The following SAXO1 variants were observed in gnomAD, a reference collection of about 807,000 sequenced individuals.
SAXO1 encodes the protein stabilizer of axonemal microtubules 1.
Under a neutral mutation model 17.5 loss-of-function variants are expected in SAXO1, and 21 were observed. That is an observed-to-expected ratio of 1.20 (90% CI 0.85 to 1.72). The LOEUF (loss-of-function observed/expected upper bound fraction) is 1.72. Among genes scored for constraint, SAXO1 ranks in the 40% most tolerant of loss-of-function variants. The pLI, the probability that SAXO1 is intolerant of heterozygous loss-of-function variation, is 0.00. For missense variants in SAXO1, 843 were observed against 596.0 expected, an observed-to-expected ratio of 1.41 and a Z score of -4.32; for synonymous variants, 274 against 216.5, an observed-to-expected ratio of 1.27 and a Z score of -2.33.
chr9:19,042,179 G>C (rs780974274), intron 1 of SAXO1, among the ~76,000 whole-genome samples: 7 of 152,090 alleles, frequency 4.6e-5, no homozygotes, highest in Non-Finnish European at 1.0e-4. Context: ...TGGCAAACAG[G>C]CATATAAAAA....
intron 1 of SAXO1, among the ~76,000 whole-genome samples, chr9:19,006,121 G>A (rs1196431090): frequency 6.6e-6 from 1 of 152,186 alleles, no homozygotes; most frequent in Non-Finnish European, 1.5e-5. Flanking sequence ...AAAAGAAAGA[G>A]AAATGTTGGC....
At chr9:19,034,273 T>G (rs1214946752), upstream of SAXO1, among the ~76,000 whole-genome samples, 2 of 151,520 alleles carry the variant, frequency 1.3e-5, no homozygotes, top group South Asian at 2.1e-4. Flanking sequence ...TCTTTTTGTG[T>G]GGGGGGGGTT....
intron 1 of SAXO1, among the ~76,000 whole-genome samples, chr9:18,992,027 T>C (rs1833834498): frequency 6.6e-6 from 1 of 152,224 alleles, no homozygotes; most frequent in South Asian, 2.1e-4. Flanking sequence ...TATCCCAAAA[T>C]GCCAGGCACG....
intron 1 of SAXO1, among the ~76,000 whole-genome samples, chr9:18,994,209 T>G (rs1833920883): frequency 6.6e-6 from 1 of 152,118 alleles, no homozygotes; most frequent in Non-Finnish European, 1.5e-5. Flanking sequence ...CCAGCAAGGG[T>G]AGCTATGCCT....
At chr9:18,976,901 G>T (rs890613113) in intron 1 of SAXO1, among the ~76,000 whole-genome samples, 1 of 152,190 alleles carries the variant, frequency 6.6e-6, no homozygotes, top group African/African-American at 2.4e-5. Flanking sequence ...AGTTTCATCA[G>T]GAACGACCCC....
At position 19,042,493 on chromosome 9, in the gene SAXO1, C is replaced by A. The variant is rs149190184; in HGVS notation, c.-158+6716G>T. ...GTATATCAAAGAGATAGCTGCACTC[C>A]TATGTTTGTTGCAGCACTGTTCACA... is the stretch of plus-strand genomic sequence containing the variant. On this transcript the variant is annotated intron_variant, in intron 1 of 3. Transcript: ENST00000542071. Among the ~76,000 whole-genome samples, 165 of 152,310 alleles carry A rather than the reference C, an allele frequency of 1.1e-3. 1 individual carries two copies. The highest frequency in any genetic ancestry group is 3.9e-3 in the African/African-American group (164 of 41,560).
rs1830839543 is a variant in SAXO1, at chr9:18,928,067, C to T, written c.1410G>A (p.Leu470=). ...DDSENPNQRE[L]EVLA is the part of the protein sequence containing the mutation. ...TTTTTCAAAATCAGGCTAACACTTC[C>T]AACTCCCTCTGGTTGGGGTTTTCTG... The change falls in exon 4 of 4, where the codon TTG becomes TTA. Residue 470 remains leucine, a synonymous_variant. Coordinates refer to ENST00000380534, the MANE Select transcript of SAXO1 (RefSeq NM_153707.4). 1 of 1,600,990 alleles carries T rather than the reference C, an allele frequency of 6.2e-7. No individual in the cohort carries two copies.
At chr9:18,943,802 C>T (rs1314367169) in intron 2 of SAXO1, among the ~76,000 whole-genome samples, 3 of 152,196 alleles carry the variant, frequency 2.0e-5, no homozygotes, top group African/African-American at 4.8e-5. Flanking sequence ...CCTGAGCTGC[C>T]GTGCTGAGCC....
intron 1 of SAXO1, among the ~76,000 whole-genome samples, chr9:18,968,536 C>T (rs777195676): frequency 3.3e-5 from 5 of 151,616 alleles, no homozygotes; most frequent in Admixed American, 2.6e-4. Flanking sequence ...GTTTCTAAAA[C>T]TCCTTGGATT....
intron 2 of SAXO1, among the ~76,000 whole-genome samples, chr9:18,943,872 C>A (rs1410406850): frequency 6.6e-6 from 1 of 152,220 alleles, no homozygotes; most frequent in African/African-American, 2.4e-5. Context: ...CTCTCAGGGA[C>A]CCTGCACACA....
intron 1 of SAXO1, among the ~76,000 whole-genome samples, chr9:18,975,700 C>G (rs940788133): frequency 6.6e-6 from 1 of 152,148 alleles, no homozygotes; most frequent in Non-Finnish European, 1.5e-5. Flanking sequence ...GTAAATGAGA[C>G]CATACAAAGT....
At chr9:18,943,103 A>G (rs1831641797) in intron 2 of SAXO1, among the ~76,000 whole-genome samples, 1 of 152,208 alleles carries the variant, frequency 6.6e-6, no homozygotes. Context: ...TGCGTGAATT[A>G]TACACATGAT....
chr9:18,971,538 A>G (rs1039211986), intron 1 of SAXO1, among the ~76,000 whole-genome samples: 13 of 152,148 alleles, frequency 8.5e-5, no homozygotes, highest in Non-Finnish European at 1.8e-4. Context: ...TGAGTACCAA[A>G]AATATTTTTC....
chr9:18,977,393 C>A (rs1314170159), intron 1 of SAXO1, among the ~76,000 whole-genome samples: 2 of 152,134 alleles, frequency 1.3e-5, no homozygotes, highest in Non-Finnish European at 2.9e-5. Context: ...TGCTTATTAA[C>A]TTATTTCATC....
At chr9:18,949,487 T>C (rs1486320254) in intron 2 of SAXO1, among the ~76,000 whole-genome samples, 2 of 152,080 alleles carry the variant, frequency 1.3e-5, no homozygotes, top group Admixed American at 1.3e-4. Context: ...GTGGCCTGAT[T>C]CAAGTCAAGC....
At chr9:18,931,549 T>C (rs10738523) in intron 3 of SAXO1, among the ~76,000 whole-genome samples, 93,577 of 152,072 alleles carry the variant, frequency 0.62, 29,734 homozygotes, top group Middle Eastern at 0.82. Flanking sequence ...CTAGGTTGTA[T>C]AGAAAAATCT....
chr9:19,023,437 T>C (rs1179570222), intron 1 of SAXO1, among the ~76,000 whole-genome samples: 3 of 152,168 alleles, frequency 2.0e-5, no homozygotes, highest in East Asian at 1.9e-4. Flanking sequence ...TGAGTCAGGT[T>C]CTATCTCCCT....
At chr9:18,988,528 G>C (rs138560459) in intron 1 of SAXO1, among the ~76,000 whole-genome samples, 65 of 152,220 alleles carry the variant, frequency 4.3e-4, no homozygotes, top group African/African-American at 1.5e-3. Flanking sequence ...GCTTACATCT[G>C]TATGGCATTC....
intron 1 of SAXO1, among the ~76,000 whole-genome samples, chr9:18,951,426 A>G (rs1267156964): frequency 6.6e-6 from 1 of 152,166 alleles, no homozygotes; most frequent in Non-Finnish European, 1.5e-5. Flanking sequence ...ATCACTGTAC[A>G]CAAATGACAT....
Sources: allele counts gnomAD v4.1 joint callset (sites outside exome capture counted in the v4.1 genomes callset), GRCh38; gene constraint gnomAD v4.1.1; transcripts MANE v1.5; gene names NCBI Gene and HGNC (gene_info 2026-07-23, HGNC 2026-07-21).